The following MEX3C variants were observed in gnomAD, a reference collection of about 807,000 sequenced individuals.
MEX3C encodes the protein RNA-binding E3 ubiquitin-protein ligase MEX3C.
In MEX3C, 15 loss-of-function variants were observed where a neutral mutation model predicts 35.5. The ratio of observed to expected loss-of-function variants is 0.42; its 90% CI spans 0.28 to 0.65. The LOEUF (loss-of-function observed/expected upper bound fraction) is 0.65, where lower values mean the gene tolerates loss of function less well. Ranked by LOEUF, MEX3C falls within the 30% of genes least tolerant of loss-of-function variation. The pLI is 0.20. For synonymous variants in MEX3C, 390 were observed against 352.8 expected, an observed-to-expected ratio of 1.11 and a Z score of -1.18; for missense variants, 711 against 842.8, an observed-to-expected ratio of 0.84 and a Z score of 1.94.
At chr18:51,191,972 A>G (rs1912661002) in intron 1 of MEX3C, among the ~76,000 whole-genome samples, 1 of 152,294 alleles carries the variant, frequency 6.6e-6, no homozygotes, top group East Asian at 1.9e-4. Context: ...CACATACTAA[A>G]ACATTTTTAT....
intron 1 of MEX3C, chr18:51,195,303 T>C (rs564970658): frequency 1.3e-5 from 2 of 152,334 alleles, no homozygotes; most frequent in East Asian, 3.9e-4. Context: ...TACCTTTCAA[T>C]TGAAAGGTCC....
chr18:51,178,420 T>C (rs1912350804), intron 1 of MEX3C, among the ~76,000 whole-genome samples: 1 of 151,956 alleles, frequency 6.6e-6, no homozygotes, highest in Admixed American at 6.6e-5. Flanking sequence ...GTGCCAACTA[T>C]GTGAAGATTA....
intron 1 of MEX3C, among the ~76,000 whole-genome samples, chr18:51,180,354 G>T (rs1715057848): frequency 6.6e-6 from 1 of 152,156 alleles, no homozygotes; most frequent in Non-Finnish European, 1.5e-5. Flanking sequence ...AATGGTTTGA[G>T]CATGGGCCAC....
intron 1 of MEX3C, among the ~76,000 whole-genome samples, chr18:51,186,944 G>T (rs1304832383): frequency 2.6e-5 from 4 of 152,136 alleles, no homozygotes; most frequent in Non-Finnish European, 2.9e-5. Flanking sequence ...TTCACTTTTG[G>T]CAGTCCTTGG....
chr18:51,181,578 C>G (rs1393637112), intron 1 of MEX3C, among the ~76,000 whole-genome samples: 1 of 152,200 alleles, frequency 6.6e-6, no homozygotes, highest in Admixed American at 6.5e-5. Context: ...TAAGAGCTAT[C>G]ACAGTTATAA....
Position 51,191,958 on chromosome 18 carries a change from A to G in MEX3C, c.754+4609T>C, listed in dbSNP as rs187331222. On this transcript the variant is annotated intron_variant, in intron 1 of 1. Coordinates refer to ENST00000406189, the MANE Select transcript of MEX3C (RefSeq NM_016626.5). Reference sequence around the variant, plus strand: ...CATATTGTATAAGCTACGATATTAAAATACACATACTAAAACATTTTTATG... The same window carrying G: ...CATATTGTATAAGCTACGATATTAAGATACACATACTAAAACATTTTTATG... Among the ~76,000 whole-genome samples the G allele has an allele frequency of 2.0e-3, 311 of 152,324 alleles. 1 individual carries two copies. Among genetic ancestry groups the G allele is most frequent in the Non-Finnish European group, 3.6e-3 (247 of 68,000 alleles).
intron 1 of MEX3C, among the ~76,000 whole-genome samples, chr18:51,185,353 A>G (rs535857108): frequency 2.0e-5 from 3 of 152,230 alleles, no homozygotes; most frequent in East Asian, 3.9e-4. Context: ...CTCATGCTTC[A>G]CATCTTCTTT....
At chr18:51,181,718 T>C (rs999130421) in intron 1 of MEX3C, among the ~76,000 whole-genome samples, 2 of 152,244 alleles carry the variant, frequency 1.3e-5, no homozygotes, top group East Asian at 1.9e-4. Flanking sequence ...TACAGCTATA[T>C]AATGGAATGC....
chr18:51,189,986 G>A (rs1244246045), intron 1 of MEX3C, among the ~76,000 whole-genome samples: 2 of 152,102 alleles, frequency 1.3e-5, no homozygotes, highest in African/African-American at 4.8e-5. Context: ...AAGAAATTTA[G>A]CAGTAAAAAT....
intron 1 of MEX3C, among the ~76,000 whole-genome samples, chr18:51,191,789 T>C (rs964110616): frequency 6.6e-6 from 1 of 152,138 alleles, no homozygotes; most frequent in African/African-American, 2.4e-5. Flanking sequence ...ATCTGAAGCC[T>C]AGGGAGTTTA....
At chr18:51,195,069 T>TCTCAA (rs55958787) in intron 1 of MEX3C, 21,010 of 152,128 alleles carry the variant, frequency 0.14, 2,128 homozygotes, top group African/African-American at 0.29. Flanking sequence ...AACTTCACAT[T>TCTCAA]CTCAATACCA....
At chr18:51,186,454 C>A (rs1912540225) in intron 1 of MEX3C, among the ~76,000 whole-genome samples, 1 of 152,190 alleles carries the variant, frequency 6.6e-6, no homozygotes, top group South Asian at 2.1e-4. Flanking sequence ...TACAGGATGG[C>A]ACAGTCAGAC....
intron 1 of MEX3C, among the ~76,000 whole-genome samples, chr18:51,184,807 C>A (rs1034676442): frequency 1.6e-4 from 24 of 151,482 alleles, no homozygotes; most frequent in African/African-American, 5.8e-4. Context: ...TGCAGAGATC[C>A]GAGATCGTGC....
Position 51,197,182 on chromosome 18 carries a change from G to C in MEX3C, c.139C>G (p.Leu47Val). 2 of 1,034,744 alleles carry C rather than the reference G, an allele frequency of 1.9e-6. No individual in the cohort carries two copies. The highest frequency in any genetic ancestry group is 2.3e-6 in the Non-Finnish European group (2 of 865,346). The allele number at this position is 1,034,744 out of a possible 1,614,324, so 64.1% of individuals were successfully genotyped here. Residue 47 changes from leucine to valine, a missense_variant, in exon 1 of 2, where the codon CTG becomes GTG. Transcript: ENST00000406189. ...AGCGCGGCCAAGCGCTCCCTCAGCA[G>C]GAGCCCGTCCCCCTCGAGCTCCGGG... ...GGPELEGDGL[L>V]LRERLAALGL...
At chr18:51,194,715 C>T (rs901416852) in intron 1 of MEX3C, 3 of 152,180 alleles carry the variant, frequency 2.0e-5, no homozygotes, top group Non-Finnish European at 4.4e-5. Flanking sequence ...CACACGGAAG[C>T]AACTTGTCCT....
Position 51,176,260 on chromosome 18 carries a change from G to T in MEX3C, c.*91C>A. On this transcript the variant is annotated 3_prime_UTR_variant, in exon 2 of 2. Coordinates refer to ENST00000406189, the MANE Select transcript of MEX3C (RefSeq NM_016626.5). ...CAATAAAGCCTGATAACAGTCATAA[G>T]AAATCATTAGGAAGTTTACTGGGGG... is the stretch of plus-strand genomic sequence containing the variant. The T allele has an allele frequency of 8.0e-7, 1 of 1,252,750 alleles. No individual in the cohort carries two copies. Among genetic ancestry groups the T allele is most frequent in the South Asian group, 1.6e-5 (1 of 61,458 alleles). 77.6% of individuals were successfully genotyped at this position (1,252,750 alleles called of 1,614,324 possible).
intron 1 of MEX3C, among the ~76,000 whole-genome samples, chr18:51,190,864 T>TG (rs1326953189): frequency 6.6e-6 from 1 of 152,148 alleles, no homozygotes; most frequent in Non-Finnish European, 1.5e-5. Context: ...AATGGTAGCA[T>TG]GGGGAAAATG....
chr18:51,193,704 GC>G (rs1282585840), intron 1 of MEX3C: 1 of 152,106 alleles, frequency 6.6e-6, no homozygotes, highest in Non-Finnish European at 1.5e-5. Flanking sequence ...AAAAAACAAG[GC>G]CAATTTAACA....
intron 1 of MEX3C, among the ~76,000 whole-genome samples, chr18:51,182,610 T>C (rs1912455910): frequency 6.6e-6 from 1 of 152,200 alleles, no homozygotes; most frequent in Admixed American, 6.5e-5. Flanking sequence ...TAAAACCCTT[T>C]AGCTGCAGCT....
Sources: gnomAD v4.1 joint callset for allele counts (sites outside exome capture counted in the v4.1 genomes callset) on GRCh38, gnomAD v4.1.1 for gene constraint, MANE v1.5 for transcripts, NCBI Gene and HGNC (gene_info 2026-07-23, HGNC 2026-07-21) for gene names.